CIMIP7: variants seen among roughly 807,000 people sequenced by gnomAD.
CIMIP7 encodes uncharacterized protein C3orf84.
At chr3:49,189,196 C>T in the CIMIP7 span, among the ~76,000 whole-genome samples, 18 of 151,826 alleles carry the variant, frequency 1.2e-4, no homozygotes, top group South Asian at 1.5e-3. Flanking sequence ...CTTGAACTAC[C>T]GACCTCAGGT....
At chr3:49,181,003 A>G in the CIMIP7 span, among the ~76,000 whole-genome samples, 1 of 151,488 alleles carries the variant, frequency 6.6e-6, no homozygotes, top group South Asian at 2.1e-4. Context: ...GTAGTCTTCA[A>G]GCAGAATGAA....
the CIMIP7 span, among the ~76,000 whole-genome samples, chr3:49,181,581 T>G: frequency 6.6e-6 from 1 of 152,076 alleles, no homozygotes; most frequent in African/African-American, 2.4e-5. Flanking sequence ...TCACATGAGC[T>G]TAAGAGGTCA....
At chr3:49,178,152 C>T in the CIMIP7 span, 1 of 1,176,074 alleles carries the variant, frequency 8.5e-7, no homozygotes, top group Non-Finnish European at 1.2e-6. Flanking sequence ...TGTCCTATGC[C>T]TGGCTGTCTT....
chr3:49,191,606 A>C, the CIMIP7 span: 4 of 903,846 alleles, frequency 4.4e-6, no homozygotes, highest in Non-Finnish European at 7.3e-6. Flanking sequence ...AAGATGGTGG[A>C]GAGGAAGTGG....
At chr3:49,180,270 A>T in the CIMIP7 span, among the ~76,000 whole-genome samples, 1 of 152,006 alleles carries the variant, frequency 6.6e-6, no homozygotes, top group African/African-American at 2.4e-5. Context: ...AAAAAAAAAA[A>T]TTAATGAACA....
At chr3:49,182,116 A>G in the CIMIP7 span, among the ~76,000 whole-genome samples, 1 of 152,212 alleles carries the variant, frequency 6.6e-6, no homozygotes, top group Non-Finnish European at 1.5e-5. Flanking sequence ...CAACTCATAA[A>G]GGCAGCGTGG....
At chr3:49,188,201 T>C in the CIMIP7 span, among the ~76,000 whole-genome samples, 2 of 152,212 alleles carry the variant, frequency 1.3e-5, no homozygotes, top group Non-Finnish European at 2.9e-5. Context: ...TGCAAGTGTA[T>C]ATGCTAAGGA....
At chr3:49,183,831 C>A in the CIMIP7 span, among the ~76,000 whole-genome samples, 1 of 152,158 alleles carries the variant, frequency 6.6e-6, no homozygotes, top group East Asian at 1.9e-4. Context: ...GGTCAGATAT[C>A]CTTTAACAGA....
the CIMIP7 span, among the ~76,000 whole-genome samples, chr3:49,178,723 T>C: frequency 6.6e-6 from 1 of 152,012 alleles, no homozygotes; most frequent in African/African-American, 2.4e-5. Flanking sequence ...TCCTGGGATA[T>C]CTCAACCTGG....
At chr3:49,190,663 ATTTTTTTTTTTTTTT>A in the CIMIP7 span, among the ~76,000 whole-genome samples, 1 of 99,994 alleles carries the variant, frequency 1.0e-5, no homozygotes. Context: ...GCCAGGCTGA[ATTTTTTTTTTTTTTT>A]TTTTTTTTTG....
chr3:49,182,950 C>A, the CIMIP7 span, among the ~76,000 whole-genome samples: 1 of 152,340 alleles, frequency 6.6e-6, no homozygotes, highest in South Asian at 2.1e-4. Flanking sequence ...GGAACTCACG[C>A]TGGCCGGCAA....
the CIMIP7 span, among the ~76,000 whole-genome samples, chr3:49,181,249 G>T: frequency 1.3e-5 from 2 of 151,504 alleles, no homozygotes; most frequent in Non-Finnish European, 2.9e-5. Flanking sequence ...GGCTGAGGCA[G>T]GAGAATTGCT....
the CIMIP7 span, among the ~76,000 whole-genome samples, chr3:49,181,544 G>A: frequency 6.6e-6 from 1 of 152,110 alleles, no homozygotes; most frequent in Non-Finnish European, 1.5e-5. Context: ...TGTGGTCCCA[G>A]CAACTAGGAA....
At chr3:49,180,929 CAAAA>C in the CIMIP7 span, among the ~76,000 whole-genome samples, 11 of 65,920 alleles carry the variant, frequency 1.7e-4, no homozygotes, top group Admixed American at 2.0e-4. Context: ...GACTCCGTCT[CAAAA>C]AAAAAAAAAA....
At chr3:49,186,636 C>T in the CIMIP7 span, among the ~76,000 whole-genome samples, 1 of 152,156 alleles carries the variant, frequency 6.6e-6, no homozygotes, top group Non-Finnish European at 1.5e-5. Flanking sequence ...ATCTCCTGAC[C>T]TCGTGATCCG....
chr3:49,189,022 T>C, the CIMIP7 span, among the ~76,000 whole-genome samples: 1 of 151,138 alleles, frequency 6.6e-6, no homozygotes, highest in Non-Finnish European at 1.5e-5. Context: ...TGGAATGCAA[T>C]GGCGCTATCT....
At chr3:49,190,947 G>A in the CIMIP7 span, among the ~76,000 whole-genome samples, 3 of 152,224 alleles carry the variant, frequency 2.0e-5, no homozygotes, top group East Asian at 3.9e-4. Flanking sequence ...GATTACAGGC[G>A]TGAGCCACTG....
the CIMIP7 span, among the ~76,000 whole-genome samples, chr3:49,185,337 G>C: frequency 4.6e-5 from 7 of 151,938 alleles, no homozygotes; most frequent in Admixed American, 3.3e-4. Flanking sequence ...AGCCAAGGCA[G>C]GTGGATCACC....
At chr3:49,180,959 C>T in the CIMIP7 span, among the ~76,000 whole-genome samples, 6 of 146,242 alleles carry the variant, frequency 4.1e-5, no homozygotes, top group East Asian at 1.0e-3. Context: ...AAAGAGTTCC[C>T]TTTTTAGAAC....
Sources: allele counts gnomAD v4.1 joint callset (sites outside exome capture counted in the v4.1 genomes callset), GRCh38; gene constraint gnomAD v4.1.1; transcripts MANE v1.5; gene names NCBI Gene and HGNC (gene_info 2026-07-23, HGNC 2026-07-21).